The following TNFSF11 variants were observed in gnomAD, a reference collection of about 807,000 sequenced individuals.
TNFSF11 encodes the protein TNF superfamily member 11, also known as tumor necrosis factor ligand superfamily member 11.
A neutral mutation model predicts 32.2 loss-of-function variants in TNFSF11; 12 were observed. That is an observed-to-expected ratio of 0.37 (90% CI 0.24 to 0.60). The LOEUF is 0.60. Among genes scored for constraint, TNFSF11 ranks in the 20% least tolerant of loss-of-function variants. The probability of loss-of-function intolerance (pLI) is 0.66; values close to 1 mark genes in which losing one functional copy is unlikely to be tolerated. For synonymous variants in TNFSF11, 172 were observed against 152.1 expected, an observed-to-expected ratio of 1.13 and a Z score of -0.96; for missense variants, 345 against 398.0, an observed-to-expected ratio of 0.87 and a Z score of 1.13.
intron 2 of TNFSF11, among the ~76,000 whole-genome samples, chr13:42,594,623 C>T (rs1347205263): frequency 6.6e-6 from 1 of 152,234 alleles, no homozygotes; most frequent in East Asian, 1.9e-4. Context: ...CTTATTCTTA[C>T]ACAGTACCAT....
chr13:42,579,081 T>C (rs927384176), intron 1 of TNFSF11, among the ~76,000 whole-genome samples: 7 of 152,130 alleles, frequency 4.6e-5, no homozygotes, highest in African/African-American at 1.4e-4. Context: ...ATGCTACTCA[T>C]TGGACTACCC....
At chr13:42,590,534 T>C (rs1464899371) in intron 2 of TNFSF11, among the ~76,000 whole-genome samples, 1 of 152,196 alleles carries the variant, frequency 6.6e-6, no homozygotes. Flanking sequence ...GCAAAGTCTT[T>C]TCCAGAAGAG....
intron 2 of TNFSF11, among the ~76,000 whole-genome samples, chr13:42,599,292 T>C (rs376946481): frequency 1.3e-4 from 20 of 152,200 alleles, no homozygotes; most frequent in African/African-American, 4.6e-4. Context: ...CAGTTGAAAT[T>C]ATGTTATTGC....
intron 4 of TNFSF11, among the ~76,000 whole-genome samples, chr13:42,603,892 A>T (rs909936794): frequency 6.6e-6 from 1 of 152,220 alleles, no homozygotes; most frequent in African/African-American, 2.4e-5. Context: ...ATATTGTGTG[A>T]CTGATCAAAA....
intron 4 of TNFSF11, 70 bp from the exon 5 acceptor site, chr13:42,606,427 C>G: frequency 1.3e-6 from 2 of 1,587,366 alleles, no homozygotes; most frequent in Non-Finnish European, 1.7e-6. Context: ...TCCCTAACCT[C>G]ATAGAATTGT....
intron 1 of TNFSF11, among the ~76,000 whole-genome samples, chr13:42,564,833 T>C (rs1207368540): frequency 6.6e-6 from 1 of 152,222 alleles, no homozygotes; most frequent in Non-Finnish European, 1.5e-5. Flanking sequence ...GTTTCAAATA[T>C]CTTGAAGGAA....
chr13:42,574,158 TCGCCCGCG>T lies in TNFSF11; in HGVS notation c.-140_-133del. On this transcript the variant is annotated 5_prime_UTR_variant, in exon 1 of 5. Coordinates refer to ENST00000398795, the MANE Select transcript of TNFSF11 (RefSeq NM_003701.4). ...TGGGGCTGCCGGGCGCCCTGCCCGCTCGCCCGCGCGCCCCAGGACCCAAAGCCGGGCTC... is the reference window on the plus strand; with the variant it reads ...TGGGGCTGCCGGGCGCCCTGCCCGCTCGCCCCAGGACCCAAAGCCGGGCTC... The T allele has an allele frequency of 9.0e-7, 1 of 1,114,818 alleles. No homozygotes were observed. The highest frequency in any genetic ancestry group is 1.3e-6 in the Non-Finnish European group (1 of 776,194). The allele number at this position is 1,114,818 out of a possible 1,614,324, so 69.1% of individuals were successfully genotyped here.
Position 42,581,260 on chromosome 13 carries a change from A to T in TNFSF11, c.354A>T (p.Arg118Ser). The part of the protein sequence containing the change: ...DTKLIPDSCR[R>S]IKQAFQGAVQ... ...AATTAATACCTGATTCATGTAGGAGAATTAAACAGGCCTTTCAAGGAGCTG... is the reference window on the plus strand; with the variant it reads ...AATTAATACCTGATTCATGTAGGAGTATTAAACAGGCCTTTCAAGGAGCTG... The change falls in exon 2 of 5, where the codon AGA becomes AGT. Residue 118 changes from arginine (R) to serine (S), a missense_variant. By Grantham distance (110) the Arg-to-Ser change is moderately radical. Transcript: ENST00000398795. 1 of 1,614,092 alleles carries T rather than the reference A, an allele frequency of 6.2e-7. No individual in the cohort carries two copies. The highest frequency in any genetic ancestry group is 8.5e-7 in the Non-Finnish European group (1 of 1,179,958).
chr13:42,592,262 C>T (rs1224924165), intron 2 of TNFSF11, among the ~76,000 whole-genome samples: 2 of 152,204 alleles, frequency 1.3e-5, no homozygotes, highest in African/African-American at 4.8e-5. Context: ...ATGCCATTCA[C>T]AAGTGCTAGG....
chr13:42,564,207 C>T (rs964873994), intron 1 of TNFSF11, among the ~76,000 whole-genome samples: 2 of 152,096 alleles, frequency 1.3e-5, no homozygotes, highest in African/African-American at 4.8e-5. Context: ...TTGCAGTTCT[C>T]TATCTCTTCA....
intron 2 of TNFSF11, among the ~76,000 whole-genome samples, chr13:42,584,883 A>G (rs1873806650): frequency 6.6e-6 from 1 of 152,238 alleles, no homozygotes; most frequent in Non-Finnish European, 1.5e-5. Flanking sequence ...TCCTTTTTAA[A>G]GAATTATAAA....
intron 2 of TNFSF11, among the ~76,000 whole-genome samples, chr13:42,595,653 C>T (rs1868767503): frequency 6.6e-6 from 1 of 152,186 alleles, no homozygotes; most frequent in Non-Finnish European, 1.5e-5. Context: ...ATTCTGATGG[C>T]GTAGGTAACA....
At chr13:42,565,316 A>C (rs930636578) in intron 1 of TNFSF11, among the ~76,000 whole-genome samples, 1 of 152,240 alleles carries the variant, frequency 6.6e-6, no homozygotes, top group East Asian at 1.9e-4. Flanking sequence ...CCATGTAATA[A>C]ATAAAGCAGT....
Position 42,607,020 on chromosome 13 carries a change from A to T in TNFSF11, c.*102A>T. The T allele has an allele frequency of 6.8e-7, 1 of 1,463,908 alleles. No individual in the cohort carries two copies. Among genetic ancestry groups the T allele is most frequent in the Non-Finnish European group, 9.5e-7 (1 of 1,056,454 alleles). The allele number at this position is 1,463,908 out of a possible 1,614,324, so 90.7% of individuals were successfully genotyped here. ...TAGGTGTGTGAGACTACTAAGAGGC[A>T]TGGCCCCAACGGTACACGACTCAGT... is the stretch of plus-strand genomic sequence containing the variant. On this transcript the variant is annotated 3_prime_UTR_variant, in exon 5 of 5. Transcript: ENST00000398795.
chr13:42,599,514 C>T (rs1212577465), intron 2 of TNFSF11, among the ~76,000 whole-genome samples: 3 of 152,010 alleles, frequency 2.0e-5, no homozygotes, highest in Non-Finnish European at 4.4e-5. Flanking sequence ...AGGAATCTCT[C>T]CAGAGTGGTT....
chr13:42,589,553 C>T (rs1436637510), intron 2 of TNFSF11, among the ~76,000 whole-genome samples: 1 of 152,158 alleles, frequency 6.6e-6, no homozygotes, highest in Non-Finnish European at 1.5e-5. Flanking sequence ...AACAAAAAGT[C>T]CTCTGTATTC....
chr13:42,567,003 A>G (rs1566371022), intron 2 of TNFSF11, among the ~76,000 whole-genome samples: 1 of 151,850 alleles, frequency 6.6e-6, no homozygotes, highest in Non-Finnish European at 1.5e-5. Flanking sequence ...AAAAATAAAT[A>G]AATAAATAAA....
chr13:42,598,692 A>G (rs528875026), intron 2 of TNFSF11, among the ~76,000 whole-genome samples: 16 of 152,334 alleles, frequency 1.1e-4, no homozygotes, highest in African/African-American at 3.4e-4. Context: ...GAAACTGCTG[A>G]TGTGAGAAAG....
chr13:42,577,287 C>T (rs539353981), intron 1 of TNFSF11, among the ~76,000 whole-genome samples: 38 of 152,140 alleles, frequency 2.5e-4, no homozygotes, highest in Non-Finnish European at 4.6e-4. Context: ...ATTACGGTGA[C>T]GGTTAAAAAG....
Sources: gnomAD v4.1 joint callset for allele counts (sites outside exome capture counted in the v4.1 genomes callset) on GRCh38, gnomAD v4.1.1 for gene constraint, MANE v1.5 for transcripts, NCBI Gene and HGNC (gene_info 2026-07-23, HGNC 2026-07-21) for gene names.